The following XPO6 variants were observed in gnomAD, a reference collection of about 807,000 sequenced individuals.
XPO6 encodes the protein exportin 6.
In XPO6, 3 loss-of-function variants were observed where a neutral mutation model predicts 130.0. That is an observed-to-expected ratio of 0.02 (90% CI 0.01 to 0.06). The LOEUF (loss-of-function observed/expected upper bound fraction) is 0.06, where lower values mean the gene tolerates loss of function less well. XPO6 is among the 10% of genes least tolerant of loss of function. XPO6 has a pLI of 1.00. For missense variants in XPO6, 970 were observed against 1,393.0 expected, an observed-to-expected ratio of 0.70 and a Z score of 4.83; for synonymous variants, 524 against 548.9, an observed-to-expected ratio of 0.95 and a Z score of 0.63.
At chr16:28,109,289 C>G (rs1209358133) in intron 17 of XPO6, among the ~76,000 whole-genome samples, 2 of 149,802 alleles carry the variant, frequency 1.3e-5, no homozygotes, top group African/African-American at 5.0e-5. Flanking sequence ...CCATTAAAAC[C>G]TTTTTTCTTT....
In XPO6 at chr16:28,125,810, G is replaced by A. The variant is rs76877639; in HGVS notation, c.1645C>T (p.Arg549Trp). The A allele has an allele frequency of 1.2e-5, 19 of 1,613,976 alleles. No homozygotes were observed. Among genetic ancestry groups the A allele is most frequent in the South Asian group, 8.8e-5 (8 of 91,090 alleles). The stretch of plus-strand genomic sequence containing the variant: ...AAGTCTCTCAGGGAGCAGTGCAGCC[G>A]CCGGCAGTCGTTCTCCGCCGTGATG... ...LNITAENDCR[R>W]LHCSLRDLSS... The change falls in exon 13 of 24, where the codon CGG becomes TGG. Residue 549 changes from arginine to tryptophan, a missense_variant. Transcript: ENST00000304658.
At chr16:28,182,525 G>A (rs1411014097) in intron 1 of XPO6, among the ~76,000 whole-genome samples, 6 of 152,098 alleles carry the variant, frequency 3.9e-5, no homozygotes, top group South Asian at 2.1e-4. Flanking sequence ...TACTTTGAGC[G>A]CTTGTGAGTG....
chr16:28,122,770 T>C (rs2087277596), intron 13 of XPO6, among the ~76,000 whole-genome samples: 1 of 152,080 alleles, frequency 6.6e-6, no homozygotes, highest in Admixed American at 6.5e-5. Flanking sequence ...ATGTTTCAGA[T>C]GGGTTGATAC....
Position 28,106,462 on chromosome 16 carries a change from G to C in XPO6, c.2533C>G (p.Leu845Val). The C allele has an allele frequency of 6.2e-7, 1 of 1,614,230 alleles. No individual in the cohort carries two copies. The highest frequency in any genetic ancestry group is 8.5e-7 in the Non-Finnish European group (1 of 1,180,040). Residue 845 changes from leucine to valine, a missense_variant, in exon 19 of 24, where the codon CTG (leucine) becomes GTG (valine). Physicochemically the swap from Leu to Val is conservative, Grantham distance 32. Coordinates refer to ENST00000304658, the MANE Select transcript of XPO6 (RefSeq NM_015171.4). The surrounding 1 kb of genome is among the most constrained non-coding windows in gnomAD (Gnocchi z 4.2). ...ATCTGTACTCTAAGGCCTCGAAACAGAGTGAGGAAGAAGCTCAGCATCTCA... is the reference window on the plus strand; with the variant it reads ...ATCTGTACTCTAAGGCCTCGAAACACAGTGAGGAAGAAGCTCAGCATCTCA... The part of the protein sequence containing the change: ...TDEMLSFFLT[L>V]FRGLRVQMGV...
chr16:28,152,249 C>G (rs2043106871), intron 8 of XPO6, among the ~76,000 whole-genome samples: 1 of 152,200 alleles, frequency 6.6e-6, no homozygotes. Flanking sequence ...CAAAACTTAA[C>G]TCTTGAGAGC....
intron 9 of XPO6, among the ~76,000 whole-genome samples, chr16:28,145,587 C>T (rs2042969234): frequency 6.6e-6 from 1 of 152,130 alleles, no homozygotes; most frequent in South Asian, 2.1e-4. Flanking sequence ...TAAAAATGAA[C>T]ACCTTTTTCT....
intron 12 of XPO6, among the ~76,000 whole-genome samples, chr16:28,128,096 A>G (rs1023097231): frequency 1.3e-5 from 2 of 152,216 alleles, no homozygotes; most frequent in East Asian, 3.8e-4. Context: ...ATGGGCTACA[A>G]AAAGAGACAG....
chr16:28,188,433 T>C (rs1478583528), intron 1 of XPO6, among the ~76,000 whole-genome samples: 1 of 152,128 alleles, frequency 6.6e-6, no homozygotes, highest in Non-Finnish European at 1.5e-5. Flanking sequence ...CCCTGTGGCA[T>C]ATCTAGAACA....
chr16:28,104,792 GC>G, intron 20 of XPO6, 85 bp from the exon 21 acceptor site: 1 of 1,488,056 alleles, frequency 6.7e-7, no homozygotes, highest in East Asian at 2.3e-5. Context: ...CCTAGGAGAC[GC>G]CTCGTGACAG....
intron 9 of XPO6, among the ~76,000 whole-genome samples, chr16:28,140,410 T>TTCAATTACA (rs1421546584): frequency 6.6e-6 from 1 of 152,106 alleles, no homozygotes; most frequent in Non-Finnish European, 1.5e-5. Flanking sequence ...CCGGGCGTGG[T>TTCAATTACA]GGCTCACGCC....
rs952737030 is a variant in XPO6 at position 28,113,190 on chromosome 16, T to C, written c.2005-140A>G. ...AGGCCCTATCTAGCTCAAGAATTTT[T>C]CCTATGATGACTACAAGAGAAGCCC... On this transcript the variant is annotated intron_variant, in intron 15 of 23. Transcript: ENST00000304658. The C allele has an allele frequency of 6.7e-5, 74 of 1,103,512 alleles. No individual in the cohort carries two copies. The African/African-American group carries it at 1.0e-3, about 15-fold the overall frequency. 68.4% of individuals were successfully genotyped at this position (1,103,512 alleles called of 1,614,324 possible).
chr16:28,176,573 C>T (rs952384098), intron 3 of XPO6, among the ~76,000 whole-genome samples: 7 of 151,844 alleles, frequency 4.6e-5, no homozygotes, highest in Non-Finnish European at 1.0e-4. Flanking sequence ...TCTCAGCTCA[C>T]TGCAAGCTCC....
chr16:28,144,457 G>A (rs2042948180), intron 9 of XPO6, among the ~76,000 whole-genome samples: 1 of 152,222 alleles, frequency 6.6e-6, no homozygotes, highest in African/African-American at 2.4e-5. Flanking sequence ...CTGGAGAGCA[G>A]TGGCCAGCCA....
intron 14 of XPO6, among the ~76,000 whole-genome samples, chr16:28,120,524 G>A (rs1410433003): frequency 1.3e-5 from 2 of 152,094 alleles, no homozygotes; most frequent in Admixed American, 1.3e-4. Flanking sequence ...TCAGCCTTAG[G>A]AGTAAGAATT....
chr16:28,201,511 G>A (rs1384281619), intron 1 of XPO6, among the ~76,000 whole-genome samples: 1 of 152,164 alleles, frequency 6.6e-6, no homozygotes, highest in Non-Finnish European at 1.5e-5. Flanking sequence ...AAGGAGGCAA[G>A]AGATCCACAT....
At chr16:28,161,299 G>C (rs546476569) in intron 6 of XPO6, among the ~76,000 whole-genome samples, 3 of 152,224 alleles carry the variant, frequency 2.0e-5, no homozygotes, top group South Asian at 4.1e-4. Flanking sequence ...AAAGGGTTTG[G>C]GGGACTTCCA....
intron 1 of XPO6, among the ~76,000 whole-genome samples, chr16:28,188,890 A>G (rs2043739529): frequency 6.6e-6 from 1 of 152,118 alleles, no homozygotes; most frequent in South Asian, 2.1e-4. Flanking sequence ...CGACATTCAG[A>G]ACAATGCTTC....
chr16:28,152,724 C>T lies in XPO6; in HGVS notation c.1159G>A (p.Glu387Lys), dbSNP rs1274731269. Residue 387 changes from glutamate to lysine, a missense_variant, in exon 8 of 24, where the codon GAG (glutamate) becomes AAG (lysine). Transcript: ENST00000304658. ...LFVSVHLRRI[E>K]SYSQFPVVEF... ...ACCACAGGGAACTGGGAGTAAGACTCGATTCTTCTTAGGTGAACACTCACA... is the reference window on the plus strand; with the variant it reads ...ACCACAGGGAACTGGGAGTAAGACTTGATTCTTCTTAGGTGAACACTCACA... 6.2e-7 allele frequency: 1 copy of T among 1,613,426 alleles called. No homozygotes were observed. Among genetic ancestry groups the T allele is most frequent in the Non-Finnish European group, 8.5e-7 (1 of 1,179,758 alleles).
chr16:28,198,302 T>C (rs954667342), intron 1 of XPO6, among the ~76,000 whole-genome samples: 1 of 150,524 alleles, frequency 6.6e-6, no homozygotes, highest in Non-Finnish European at 1.5e-5. Context: ...AATCAAAATG[T>C]TATTAGAGAT....
Sources: allele counts gnomAD v4.1 joint callset (sites outside exome capture counted in the v4.1 genomes callset), GRCh38; gene constraint gnomAD v4.1.1; non-coding constraint Gnocchi (gnomAD v3.1); transcripts MANE v1.5; gene names NCBI Gene and HGNC (gene_info 2026-07-23, HGNC 2026-07-21).